The following ERBB4 variants were observed in gnomAD, a reference collection of about 807,000 sequenced individuals.
ERBB4 encodes erb-b2 receptor tyrosine kinase 4, also known as receptor tyrosine-protein kinase erbB-4.
In ERBB4, 42 loss-of-function variants were observed where a neutral mutation model predicts 158.0. That is an observed-to-expected ratio of 0.27 (90% confidence interval 0.21 to 0.34). ERBB4 has a LOEUF of 0.34. ERBB4 is among the 10% of genes least tolerant of loss of function. The probability of loss-of-function intolerance (pLI) is 1.00; values close to 1 mark genes in which losing one functional copy is unlikely to be tolerated. For missense variants in ERBB4, 1,333 were observed against 1,624.1 expected (o/e 0.82, Z 3.08); for synonymous variants, 583 against 558.7 (o/e 1.04, Z -0.61).
chr2:211,579,526 T>G (rs80049822), intron 19 of ERBB4, among the ~76,000 whole-genome samples: 1 of 152,122 alleles, frequency 6.6e-6, no homozygotes, highest in African/African-American at 2.4e-5. Context: ...CTACTCACAA[T>G]AGCAAAGACA....
chr2:211,559,252 G>T (rs1307803410), intron 20 of ERBB4, among the ~76,000 whole-genome samples: 1 of 152,030 alleles, frequency 6.6e-6, no homozygotes. Context: ...CTCCTAATTA[G>T]TATCTTCATT....
intron 1 of ERBB4, among the ~76,000 whole-genome samples, chr2:212,273,036 CAT>C (rs1165200635): frequency 2.6e-5 from 4 of 151,634 alleles, no homozygotes; most frequent in Non-Finnish European, 5.9e-5. Context: ...GAAATATTTA[CAT>C]ATGTTTACTG....
chr2:211,580,787 G>GATATATATATAT (rs58919262), intron 19 of ERBB4, among the ~76,000 whole-genome samples: 30 of 67,706 alleles, frequency 4.4e-4, no homozygotes, highest in African/African-American at 1.5e-3. Context: ...AAGAAATTGT[G>GATATATATATAT]ATATATATAT....
chr2:212,192,042 A>ATGT (rs1553589175), intron 1 of ERBB4, among the ~76,000 whole-genome samples: 12,300 of 46,672 alleles, frequency 0.26, 789 homozygotes, highest in South Asian at 0.54. Flanking sequence ...TATATGTTAT[A>ATGT]TATATGTTAT....
intron 11 of ERBB4, among the ~76,000 whole-genome samples, chr2:211,703,546 G>C (rs540993174): frequency 5.3e-4 from 80 of 152,162 alleles, no homozygotes; most frequent in Non-Finnish European, 9.8e-4. Flanking sequence ...GATGACATCA[G>C]AGAAATCTTT....
At chr2:212,147,350 G>A (rs1000217104) in intron 1 of ERBB4, among the ~76,000 whole-genome samples, 1 of 151,380 alleles carries the variant, frequency 6.6e-6, no homozygotes, top group Non-Finnish European at 1.5e-5. Context: ...TGAAATAATT[G>A]AATTTCTTCA....
intron 22 of ERBB4, 83 bp downstream of exon 22, chr2:211,428,325 A>C (rs1559158111): frequency 2.5e-6 from 2 of 814,344 alleles, no homozygotes; most frequent in Non-Finnish European, 4.3e-6. Flanking sequence ...ACAACAAAAT[A>C]ATTTAGCTTA....
intron 1 of ERBB4, among the ~76,000 whole-genome samples, chr2:212,504,223 T>C (rs1691057130): frequency 6.6e-6 from 1 of 152,174 alleles, no homozygotes; most frequent in African/African-American, 2.4e-5. Flanking sequence ...AGCCATAGAT[T>C]GCTATTAAAT....
At chr2:211,974,339 C>A (rs958397602) in intron 2 of ERBB4, among the ~76,000 whole-genome samples, 4 of 151,550 alleles carry the variant, frequency 2.6e-5, no homozygotes, top group Non-Finnish European at 5.9e-5. Flanking sequence ...ACTCCATGCA[C>A]ATGTAAAGGA....
chr2:212,192,040 ATATATATG>A lies in ERBB4; in HGVS notation c.83-67145_83-67138del, dbSNP rs1559707571. ...TTATATGTTATATATGTTATATGTT[ATATATATG>A]TTATATGTTATATATGTTATATGTT... On this transcript the variant is annotated intron_variant, in intron 1 of 27. Transcript: ENST00000342788. 0.015 allele frequency among the ~76,000 whole-genome samples: 167 copies of A among 10,820 alleles called. 4 individuals carry two copies. The Middle Eastern group carries it at 0.23, about 15-fold the overall frequency. 7.1% of individuals were successfully genotyped at this position (10,820 alleles called of 152,430 possible).
chr2:211,750,203 T>G (rs2075091327), intron 5 of ERBB4, among the ~76,000 whole-genome samples: 1 of 152,176 alleles, frequency 6.6e-6, no homozygotes, highest in South Asian at 2.1e-4. Flanking sequence ...CCTGGAACAG[T>G]GCCTGGAAAA....
chr2:212,299,065 C>G (rs1215279435), intron 1 of ERBB4, among the ~76,000 whole-genome samples: 1 of 151,610 alleles, frequency 6.6e-6, no homozygotes, highest in Admixed American at 6.6e-5. Context: ...TATAAATTAT[C>G]TCATTTAACC....
At chr2:211,956,248 G>A (rs185635226) in intron 2 of ERBB4, among the ~76,000 whole-genome samples, 4 of 151,874 alleles carry the variant, frequency 2.6e-5, no homozygotes, top group Admixed American at 2.6e-4. Context: ...TAGATACAAC[G>A]CATAAATGCA....
At chr2:211,934,926 T>TAAAAAAAAAAGAAAAAAAAAAAAAA (rs2080273491) in intron 3 of ERBB4, among the ~76,000 whole-genome samples, 1 of 86,646 alleles carries the variant, frequency 1.2e-5, no homozygotes, top group Non-Finnish European at 2.5e-5. Context: ...CTCATTCAGC[T>TAAAAAAAAAAGAAAAAAAAAAAAAA]AAAAAAAAAA....
chr2:211,643,549 T>C (rs1004064496), intron 16 of ERBB4, among the ~76,000 whole-genome samples: 2 of 152,142 alleles, frequency 1.3e-5, no homozygotes, highest in Non-Finnish European at 2.9e-5. Flanking sequence ...TCACTTTTCC[T>C]TTTTTCTTGC....
At chr2:211,478,422 CGT>C (rs933959706) in intron 20 of ERBB4, among the ~76,000 whole-genome samples, 1 of 152,152 alleles carries the variant, frequency 6.6e-6, no homozygotes, top group Admixed American at 6.6e-5. Context: ...TACCTAAAAT[CGT>C]GTGTGTTCAA....
At chr2:211,872,394 A>G (rs1260611895) in intron 3 of ERBB4, among the ~76,000 whole-genome samples, 1 of 152,192 alleles carries the variant, frequency 6.6e-6, no homozygotes, top group African/African-American at 2.4e-5. Context: ...GTGGAAGCCT[A>G]TGCAAATGTC....
chr2:212,368,616 T>C (rs2089976586), intron 1 of ERBB4, among the ~76,000 whole-genome samples: 1 of 152,132 alleles, frequency 6.6e-6, no homozygotes, highest in Non-Finnish European at 1.5e-5. Context: ...TATTAGCTTT[T>C]CTTCTGTAAC....
intron 5 of ERBB4, among the ~76,000 whole-genome samples, chr2:211,726,083 GA>G (rs1410345667): frequency 6.6e-6 from 1 of 152,158 alleles, no homozygotes; most frequent in African/African-American, 2.4e-5. Flanking sequence ...TTTAAGGTAT[GA>G]ATTTTACAGG....
Sources: allele counts gnomAD v4.1 joint callset (sites outside exome capture counted in the v4.1 genomes callset), GRCh38; gene constraint gnomAD v4.1.1; transcripts MANE v1.5; gene names NCBI Gene and HGNC (gene_info 2026-07-23, HGNC 2026-07-21).